The following COL6A6 variants were observed in gnomAD, a reference collection of about 807,000 sequenced individuals.
COL6A6 encodes the protein collagen alpha-6(VI) chain.
A neutral mutation model predicts 208.6 loss-of-function variants in COL6A6; 183 were observed. The ratio of observed to expected loss-of-function variants is 0.88; its 90% confidence interval spans 0.78 to 0.99. COL6A6 has a LOEUF of 0.99. COL6A6 is among the 50% of genes least tolerant of loss of function. The probability of loss-of-function intolerance (pLI) is 0.00; values close to 1 mark genes in which losing one functional copy is unlikely to be tolerated. For synonymous variants in COL6A6, 973 were observed against 1,011.8 expected (o/e 0.96, Z 0.73); for missense variants, 2,816 against 2,815.2 (o/e 1.00, Z -0.01).
chr3:130,642,424 G>A (rs59858596), intron 29 of COL6A6, among the ~76,000 whole-genome samples: 254 of 152,248 alleles, frequency 1.7e-3, no homozygotes, highest in African/African-American at 5.7e-3. Context: ...TCAAAGAATG[G>A]GGGTTGAAGA....
intron 1 of COL6A6, among the ~76,000 whole-genome samples, chr3:130,533,815 T>C (rs1428909246): frequency 6.6e-6 from 1 of 152,256 alleles, no homozygotes; most frequent in East Asian, 1.9e-4. Context: ...AGCCCTGTTG[T>C]GGGTAGGTCA....
At chr3:130,642,087 T>C (rs1035424580) in intron 29 of COL6A6, among the ~76,000 whole-genome samples, 2 of 152,212 alleles carry the variant, frequency 1.3e-5, no homozygotes, top group African/African-American at 4.8e-5. Context: ...ATGGAACTTA[T>C]TTGCTTCAGG....
intron 33 of COL6A6, among the ~76,000 whole-genome samples, chr3:130,657,974 CCTT>C (rs2065837816): frequency 6.6e-6 from 1 of 152,020 alleles, no homozygotes; most frequent in Non-Finnish European, 1.5e-5. Flanking sequence ...TTCAGAGCCT[CCTT>C]ATCTTCCCCC....
chr3:130,623,755 T>A (rs1559762625), intron 24 of COL6A6, among the ~76,000 whole-genome samples: 1 of 151,974 alleles, frequency 6.6e-6, no homozygotes. Flanking sequence ...TTAGGTCTGG[T>A]TGGAGATGTA....
intron 11 of COL6A6, 117 bp from the exon 12 acceptor site, chr3:130,588,973 G>A: frequency 2.6e-6 from 1 of 382,182 alleles, no homozygotes. Flanking sequence ...ACAGTCATTT[G>A]AATGGTGACC....
At chr3:130,537,540 T>A (rs912368622) in intron 1 of COL6A6, among the ~76,000 whole-genome samples, 32 of 152,238 alleles carry the variant, frequency 2.1e-4, no homozygotes, top group African/African-American at 7.2e-4. Context: ...CCATGCTAGC[T>A]TTCAAATGCT....
Position 130,531,056 on chromosome 3 carries a change from A to AGTCTCTCT in COL6A6, c.-32+13659_-32+13660insGTCTCTCT, listed in dbSNP as rs1294781159. On this transcript the variant is annotated intron_variant, in intron 1 of 36. Transcript: ENST00000358511. ...CACACACAGACACACACACACACACACACAGTCTCTCTCTCTCTCTCTCTC... is the reference window on the plus strand; with the variant it reads ...CACACACAGACACACACACACACACAGTCTCTCTCACAGTCTCTCTCTCTCTCTCTCTC... Among the ~76,000 whole-genome samples, 175 of 28,048 alleles carry AGTCTCTCT rather than the reference A, an allele frequency of 6.2e-3. 2 individuals carry two copies. Among genetic ancestry groups the AGTCTCTCT allele is most frequent in the African/African-American group, 0.012 (161 of 13,356 alleles). 18.4% of individuals were successfully genotyped at this position (28,048 alleles called of 152,430 possible).
chr3:130,573,978 T>A lies in COL6A6; in HGVS notation c.3000T>A (p.Asp1000Glu), dbSNP rs901382097. 59 of 1,611,282 alleles carry A rather than the reference T, an allele frequency of 3.7e-5. No individual in the cohort carries two copies. Among genetic ancestry groups the A allele is most frequent in the Non-Finnish European group, 4.9e-5 (58 of 1,177,604 alleles). ...SKVDCEIDKV[D>E]LVFLMDGSTS... is the part of the protein sequence containing the mutation. ...TAGATTGTGAAATTGACAAAGTAGA[T>A]CTTGTTTTCCTTATGGATGGTTCAA... The change falls in exon 8 of 37, where the codon GAT (aspartate) becomes GAA (glutamate). Residue 1000 changes from aspartate to glutamate, a missense_variant. Asp to Glu is a conservative substitution (Grantham distance 45). Coordinates refer to ENST00000358511, the MANE Select transcript of COL6A6 (RefSeq NM_001102608.3).
intron 1 of COL6A6, among the ~76,000 whole-genome samples, chr3:130,552,400 CT>C (rs112529101): frequency 1.8e-3 from 268 of 151,950 alleles, no homozygotes; most frequent in African/African-American, 5.8e-3. Context: ...TGTCCTTTGT[CT>C]TTTTTTTATC....
At chr3:130,638,070 G>T (rs530989852) in intron 28 of COL6A6, among the ~76,000 whole-genome samples, 2 of 151,734 alleles carry the variant, frequency 1.3e-5, no homozygotes, top group African/African-American at 2.4e-5. Flanking sequence ...GGGAAAAAAA[G>T]GAGTCAAAAT....
intron 11 of COL6A6, among the ~76,000 whole-genome samples, chr3:130,587,392 G>T (rs1346928403): frequency 6.6e-6 from 1 of 152,190 alleles, no homozygotes; most frequent in Non-Finnish European, 1.5e-5. Context: ...CTCCCGAGTA[G>T]CTGGGATTAC....
intron 23 of COL6A6, among the ~76,000 whole-genome samples, chr3:130,619,887 A>G (rs2064658333): frequency 6.6e-6 from 1 of 152,092 alleles, no homozygotes; most frequent in African/African-American, 2.4e-5. Context: ...TTTAGGGTAA[A>G]TATGATTGTT....
At chr3:130,643,980 G>A (rs1298016263) in intron 31 of COL6A6, among the ~76,000 whole-genome samples, 1 of 152,102 alleles carries the variant, frequency 6.6e-6, no homozygotes, top group East Asian at 1.9e-4. Flanking sequence ...CAGTTAGTGC[G>A]GTGGGTTTTA....
chr3:130,556,226 T>A (rs2062765044), intron 1 of COL6A6, among the ~76,000 whole-genome samples: 1 of 152,226 alleles, frequency 6.6e-6, no homozygotes, highest in African/African-American at 2.4e-5. Flanking sequence ...TTATATACTG[T>A]GGGAGTTAAT....
chr3:130,663,532 A>G (rs1445092759), intron 35 of COL6A6, among the ~76,000 whole-genome samples: 2 of 152,194 alleles, frequency 1.3e-5, no homozygotes, highest in Admixed American at 1.3e-4. Context: ...TTCTGAAGAA[A>G]GGAATCATAA....
intron 23 of COL6A6, among the ~76,000 whole-genome samples, chr3:130,613,969 A>C (rs1239018033): frequency 3.3e-5 from 5 of 152,122 alleles, no homozygotes; most frequent in Non-Finnish European, 7.4e-5. Flanking sequence ...AAACAGGGAT[A>C]GTTTGACTTC....
At chr3:130,610,519 A>G in intron 22 of COL6A6, 130 bp from the exon 23 acceptor site, 1 of 704,138 alleles carries the variant, frequency 1.4e-6, no homozygotes, top group Non-Finnish European at 2.4e-6. Context: ...ATGGAAGGAA[A>G]GGCATGATTG....
At chr3:130,527,112 G>A (rs537058200) in intron 1 of COL6A6, among the ~76,000 whole-genome samples, 1 of 152,280 alleles carries the variant, frequency 6.6e-6, no homozygotes, top group African/African-American at 2.4e-5. Context: ...ATTGTGGGGA[G>A]GGAAGGGTTG....
chr3:130,665,874 A>T (rs888749267), intron 36 of COL6A6, among the ~76,000 whole-genome samples: 4 of 152,184 alleles, frequency 2.6e-5, no homozygotes, highest in African/African-American at 9.7e-5. Flanking sequence ...GTCTCACAGA[A>T]CCACTCACAT....
Sources: gnomAD v4.1 joint callset for allele counts (sites outside exome capture counted in the v4.1 genomes callset) on GRCh38, gnomAD v4.1.1 for gene constraint, MANE v1.5 for transcripts, NCBI Gene and HGNC (gene_info 2026-07-23, HGNC 2026-07-21) for gene names.